Variants in CLIC2 observed in about 807,000 individuals in gnomAD.
CLIC2 encodes the protein chloride intracellular channel protein 2.
Under a neutral mutation model 14.8 loss-of-function variants are expected in CLIC2, and 9 were observed. That is an observed-to-expected ratio of 0.61 (90% CI 0.37 to 1.06). The LOEUF is 1.06. CLIC2 is among the 50% of genes least tolerant of loss of function. The pLI is 0.01. For missense variants in CLIC2, 148 were observed against 181.4 expected, an observed-to-expected ratio of 0.82 and a Z score of 1.06; for synonymous variants, 61 against 66.3, an observed-to-expected ratio of 0.92 and a Z score of 0.39.
At chrX:155,280,278 C>T (rs1187045583) in intron 3 of CLIC2, among the ~76,000 whole-genome samples, 2 of 112,602 alleles carry the variant, frequency 1.8e-5, no homozygotes, top group Non-Finnish European at 3.8e-5. Context: ...GTCTGGAATC[C>T]AAAGCTCATT....
chrX:155,304,129 C>T (rs1236993719), intron 1 of CLIC2, among the ~76,000 whole-genome samples: 2 of 106,951 alleles, frequency 1.9e-5, no homozygotes, highest in Non-Finnish European at 3.9e-5. Flanking sequence ...CGTTGGCCTG[C>T]CTTGCTAGAT....
chrX:155,277,998 G>A lies in CLIC2; in HGVS notation c.649C>T (p.His217Tyr). 1 of 1,206,786 alleles carries A rather than the reference G, an allele frequency of 8.3e-7. No homozygotes were observed. The highest frequency in any genetic ancestry group is 1.1e-6 in the Non-Finnish European group (1 of 891,304). Residue 217 changes from histidine to tyrosine, a missense_variant, in exon 6 of 6, where the codon CAC becomes TAC. By Grantham distance (83) the His-to-Tyr change is moderately conservative. Coordinates refer to ENST00000369449, the MANE Select transcript of CLIC2 (RefSeq NM_001289.6). ...AATTCTTCACGGGCATAGGCATTGT[G>A]GAGATAACGCCAGACTCCTGAGAAT... ...AEFSGVWRYL[H>Y]NAYAREEFTH...
chrX:155,291,819 A>G (rs1395342799), intron 3 of CLIC2, among the ~76,000 whole-genome samples: 1 of 112,459 alleles, frequency 8.9e-6, no homozygotes, highest in East Asian at 2.8e-4. Flanking sequence ...GCTAATGCCT[A>G]GTATTACAGA....
At chrX:155,285,825 C>T (rs782289461) in intron 3 of CLIC2, among the ~76,000 whole-genome samples, 4 of 109,257 alleles carry the variant, frequency 3.7e-5, no homozygotes, top group African/African-American at 1.3e-4. Flanking sequence ...ATATTTCTTT[C>T]TTTCTTTTTT....
intron 1 of CLIC2, among the ~76,000 whole-genome samples, chrX:155,329,636 CA>C (rs1292039917): frequency 1.8e-5 from 2 of 108,443 alleles, no homozygotes; most frequent in African/African-American, 6.7e-5. Context: ...GGAGGTTCCT[CA>C]AAAAAATGAA....
At chrX:155,281,168 C>G (rs1299771888) in intron 3 of CLIC2, among the ~76,000 whole-genome samples, 2 of 107,804 alleles carry the variant, frequency 1.9e-5, no homozygotes, top group African/African-American at 6.8e-5. Flanking sequence ...TTTAAGAGGT[C>G]AAATATATAG....
chrX:155,291,978 C>T (rs1369188954), intron 3 of CLIC2, among the ~76,000 whole-genome samples: 2 of 112,104 alleles, frequency 1.8e-5, no homozygotes, highest in East Asian at 2.8e-4. Flanking sequence ...ACCCCCGGAG[C>T]GCAGTCCTCG....
chrX:155,286,533 T>A (rs2074943571), intron 3 of CLIC2, among the ~76,000 whole-genome samples: 1 of 112,325 alleles, frequency 8.9e-6, no homozygotes, highest in African/African-American at 3.2e-5. Flanking sequence ...AGTTCTGCTG[T>A]TAGCTCTTTG....
rs1291119411 is a variant in CLIC2 at position 155,281,580 on chromosome X, C to G, written c.294-1512G>C. Among the ~76,000 whole-genome samples the G allele has an allele frequency of 2.7e-5, 3 of 110,937 alleles. No homozygotes were observed. In the East Asian group the frequency reaches 8.5e-4, roughly 31 times the overall value. ...CTTAGGTATCTTCCTTGATTCCTCT[C>G]TTTCCTTCTAACTCCACATTTGATC... On this transcript the variant is annotated intron_variant, in intron 3 of 5. Coordinates refer to ENST00000369449, the MANE Select transcript of CLIC2 (RefSeq NM_001289.6).
intron 3 of CLIC2, among the ~76,000 whole-genome samples, chrX:155,281,985 C>T (rs1322720285): frequency 4.5e-5 from 5 of 110,796 alleles, no homozygotes; most frequent in Non-Finnish European, 9.5e-5. Flanking sequence ...CTCATCTTAC[C>T]GAGTCACAGC....
At chrX:155,318,061 T>A (rs2075101100) in intron 1 of CLIC2, among the ~76,000 whole-genome samples, 1 of 111,573 alleles carries the variant, frequency 9.0e-6, no homozygotes, top group Non-Finnish European at 1.9e-5. Context: ...TACCTTAAGG[T>A]AATAAAGGCC....
At chrX:155,314,204 T>A (rs1278358765) in intron 1 of CLIC2, among the ~76,000 whole-genome samples, 2 of 109,692 alleles carry the variant, frequency 1.8e-5, no homozygotes, top group African/African-American at 6.7e-5. Context: ...CTAGGGAAAG[T>A]TTGCTTCCTC....
chrX:155,302,623 T>A (rs1261991756), intron 1 of CLIC2, among the ~76,000 whole-genome samples: 1 of 68,121 alleles, frequency 1.5e-5, no homozygotes, highest in Non-Finnish European at 3.0e-5. Flanking sequence ...TTCTGCTAGC[T>A]TTTGAATGTG....
At chrX:155,284,254 AT>A (rs781838836) in intron 3 of CLIC2, among the ~76,000 whole-genome samples, 69 of 92,601 alleles carry the variant, frequency 7.5e-4, no homozygotes, top group Admixed American at 1.2e-3. Context: ...TCTCCCTGGG[AT>A]TTTTTTTTTT....
intron 1 of CLIC2, among the ~76,000 whole-genome samples, chrX:155,325,981 C>A (rs1319108045): frequency 9.5e-6 from 1 of 105,804 alleles, no homozygotes; most frequent in Admixed American, 1.0e-4. Context: ...TATGAGGACG[C>A]AAAGGCATAA....
chrX:155,323,818 A>G (rs2075126396), intron 1 of CLIC2, among the ~76,000 whole-genome samples: 1 of 112,529 alleles, frequency 8.9e-6, no homozygotes, highest in Non-Finnish European at 1.9e-5. Context: ...TAAGCTGATA[A>G]GCAACTTCAG....
chrX:155,314,012 C>G (rs1557320871), intron 1 of CLIC2, among the ~76,000 whole-genome samples: 2 of 111,199 alleles, frequency 1.8e-5, no homozygotes, highest in African/African-American at 6.5e-5. Context: ...ACACCCCCAT[C>G]CCCTACAGCA....
chrX:155,319,458 G>C (rs781819994), intron 1 of CLIC2, among the ~76,000 whole-genome samples: 2 of 111,895 alleles, frequency 1.8e-5, no homozygotes, highest in African/African-American at 6.5e-5. Context: ...ACAAGGGGTC[G>C]GGGAACTCCC....
At chrX:155,306,344 C>T (rs1602949705) in intron 1 of CLIC2, among the ~76,000 whole-genome samples, 2 of 111,784 alleles carry the variant, frequency 1.8e-5, no homozygotes, top group Non-Finnish European at 3.8e-5. Flanking sequence ...ATGGAGACAC[C>T]TGCTCCCTCT....
Sources: allele counts gnomAD v4.1 joint callset (sites outside exome capture counted in the v4.1 genomes callset), GRCh38; gene constraint gnomAD v4.1.1; transcripts MANE v1.5; gene names NCBI Gene and HGNC (gene_info 2026-07-23, HGNC 2026-07-21).